SLC25A21: variants seen among roughly 807,000 people sequenced by gnomAD.
SLC25A21 encodes the protein solute carrier family 25 member 21.
A neutral mutation model predicts 43.8 loss-of-function variants in SLC25A21; 47 were observed. That is an observed-to-expected ratio of 1.07 (90% CI 0.85 to 1.37). SLC25A21 has a LOEUF of 1.37. SLC25A21 is among the 40% of genes most tolerant of loss of function. The pLI is 0.00. For missense variants in SLC25A21, 352 were observed against 350.2 expected (o/e 1.00, Z -0.04); for synonymous variants, 131 against 121.3 (o/e 1.08, Z -0.52).
chr14:37,065,492 C>G (rs1244242775), intron 1 of SLC25A21, among the ~76,000 whole-genome samples: 1 of 152,160 alleles, frequency 6.6e-6, no homozygotes, highest in Non-Finnish European at 1.5e-5. Flanking sequence ...TCAGTTCATG[C>G]AGGTGAGGAG....
At chr14:36,922,020 C>T (rs1163193793) in intron 1 of SLC25A21, among the ~76,000 whole-genome samples, 1 of 151,858 alleles carries the variant, frequency 6.6e-6, no homozygotes, top group Admixed American at 6.6e-5. Context: ...TGGCACATGC[C>T]TGTAATCGCA....
chr14:37,060,379 CTAATAATAATAATAA>C (rs71124787), intron 1 of SLC25A21, among the ~76,000 whole-genome samples: 44 of 138,104 alleles, frequency 3.2e-4, no homozygotes, highest in African/African-American at 8.8e-4. Context: ...ACTCTACTCT[CTAATAATAATAATAA>C]TAATAATAAT....
At chr14:36,850,746 G>A (rs1594639660) in intron 2 of SLC25A21, among the ~76,000 whole-genome samples, 1 of 152,138 alleles carries the variant, frequency 6.6e-6, no homozygotes, top group Non-Finnish European at 1.5e-5. Flanking sequence ...CCTGACTAAA[G>A]TCTCCAAATG....
intron 3 of SLC25A21, among the ~76,000 whole-genome samples, chr14:36,779,474 C>T (rs1334984543): frequency 3.2e-5 from 4 of 124,892 alleles, no homozygotes; most frequent in East Asian, 2.6e-4. Context: ...TATATATATA[C>T]ACATATATAT....
intron 7 of SLC25A21, among the ~76,000 whole-genome samples, chr14:36,690,536 T>C (rs1379775288): frequency 6.6e-6 from 1 of 152,230 alleles, no homozygotes. Flanking sequence ...GACTGATTCA[T>C]TCATTGTGAA....
intron 2 of SLC25A21, among the ~76,000 whole-genome samples, chr14:36,833,419 C>G (rs1282805507): frequency 6.6e-6 from 1 of 152,146 alleles, no homozygotes; most frequent in Non-Finnish European, 1.5e-5. Context: ...GAGATGTATA[C>G]CTCAGTCAGG....
intron 1 of SLC25A21, among the ~76,000 whole-genome samples, chr14:37,097,393 C>G (rs1353478356): frequency 6.6e-6 from 1 of 152,114 alleles, no homozygotes; most frequent in Admixed American, 6.5e-5. Flanking sequence ...AGCCACCGCA[C>G]TCGGCCAAAT....
At chr14:36,879,531 G>T (rs192753536) in intron 1 of SLC25A21, among the ~76,000 whole-genome samples, 98 of 152,232 alleles carry the variant, frequency 6.4e-4, no homozygotes, top group African/African-American at 2.2e-3. Flanking sequence ...AGATTTGAAT[G>T]AAACTGGTAA....
chr14:36,704,682 AAAACAAAAAC>A (rs1381449465), intron 7 of SLC25A21, among the ~76,000 whole-genome samples: 3 of 151,438 alleles, frequency 2.0e-5, no homozygotes, highest in Admixed American at 2.0e-4. Flanking sequence ...CAAAAAAGAG[AAAACAAAAAC>A]AAACAAAAAA....
At chr14:36,983,772 T>C (rs1960083194) in intron 1 of SLC25A21, among the ~76,000 whole-genome samples, 2 of 152,092 alleles carry the variant, frequency 1.3e-5, no homozygotes, top group South Asian at 2.1e-4. Flanking sequence ...AGAAAACGTG[T>C]GGTATATATA....
At chr14:36,969,072 G>A (rs1377463234) in intron 1 of SLC25A21, among the ~76,000 whole-genome samples, 1 of 152,108 alleles carries the variant, frequency 6.6e-6, no homozygotes, top group Non-Finnish European at 1.5e-5. Flanking sequence ...TCAGAAATAA[G>A]CACTTTGGAA....
Position 37,172,546 on chromosome 14 carries a change from A to G in SLC25A21, c.-196T>C. 1 of 722,044 alleles carries G rather than the reference A, an allele frequency of 1.4e-6. No homozygotes were observed. The highest frequency in any genetic ancestry group is 2.5e-6 in the Non-Finnish European group (1 of 400,002). The allele number at this position is 722,044 out of a possible 1,614,324, so 44.7% of individuals were successfully genotyped here. Reference sequence around the variant, plus strand: ...CGTCGCGCGATCTCCGGCGCGTCGGAACCTGTTCGCAGCGCTCTCGCAGAG... The same window carrying G: ...CGTCGCGCGATCTCCGGCGCGTCGGGACCTGTTCGCAGCGCTCTCGCAGAG... On this transcript the variant is annotated 5_prime_UTR_variant, in exon 1 of 10. Transcript: ENST00000331299.
intron 1 of SLC25A21, among the ~76,000 whole-genome samples, chr14:37,146,453 C>T (rs1241674239): frequency 6.6e-6 from 1 of 152,134 alleles, no homozygotes; most frequent in Non-Finnish European, 1.5e-5. Flanking sequence ...CACCATGTTA[C>T]CCAGCCTGGT....
chr14:36,991,385 C>T (rs1566796900), intron 1 of SLC25A21, among the ~76,000 whole-genome samples: 1 of 152,192 alleles, frequency 6.6e-6, no homozygotes, highest in Non-Finnish European at 1.5e-5. Flanking sequence ...TGGCACACGG[C>T]ATTCAACACT....
intron 1 of SLC25A21, among the ~76,000 whole-genome samples, chr14:37,054,031 T>A (rs1262192616): frequency 6.6e-6 from 1 of 152,216 alleles, no homozygotes; most frequent in Non-Finnish European, 1.5e-5. Context: ...CTGCCTGATA[T>A]GGTCTGGCTT....
rs571134643 is a variant in SLC25A21 at position 37,147,974 on chromosome 14, A to T, written c.70+24307T>A. Among the ~76,000 whole-genome samples, 4 of 150,236 alleles carry T rather than the reference A, an allele frequency of 2.7e-5. No homozygotes were observed. The South Asian group carries it at 6.3e-4, about 24-fold the overall frequency. On this transcript the variant is annotated intron_variant, in intron 1 of 9. Coordinates refer to ENST00000331299, the MANE Select transcript of SLC25A21 (RefSeq NM_030631.4). ...TGCCTCAGCCTCCCGAGTAGCAGGG[A>T]TTGCAGGCACTCACCACCACACCTG...
chr14:37,090,305 C>A (rs1337809695), intron 1 of SLC25A21, among the ~76,000 whole-genome samples: 2 of 152,234 alleles, frequency 1.3e-5, no homozygotes, highest in African/African-American at 4.8e-5. Flanking sequence ...GCTGGCAACA[C>A]AGCGCCAAGC....
chr14:37,133,266 T>C (rs1241014334), intron 1 of SLC25A21, among the ~76,000 whole-genome samples: 1 of 151,988 alleles, frequency 6.6e-6, no homozygotes, highest in African/African-American at 2.4e-5. Context: ...CCCAACCACC[T>C]ACTGAACAAT....
chr14:36,714,495 A>C (rs1884036956), intron 6 of SLC25A21, among the ~76,000 whole-genome samples: 1 of 152,198 alleles, frequency 6.6e-6, no homozygotes, highest in Non-Finnish European at 1.5e-5. Flanking sequence ...TTATCCCTCA[A>C]GGTGAGTACC....
Sources: allele counts gnomAD v4.1 joint callset (sites outside exome capture counted in the v4.1 genomes callset), GRCh38; gene constraint gnomAD v4.1.1; transcripts MANE v1.5; gene names NCBI Gene and HGNC (gene_info 2026-07-23, HGNC 2026-07-21).